CDH13: variants seen among roughly 807,000 people sequenced by gnomAD.
CDH13 encodes cadherin 13.
A neutral mutation model predicts 63.8 loss-of-function variants in CDH13; 24 were observed. The observed-to-expected ratio is 0.38, with a 90% CI of 0.27 to 0.53. CDH13 has a LOEUF of 0.53. CDH13 is among the 20% of genes least tolerant of loss of function. CDH13 has a pLI of 0.85. For missense variants in CDH13, 1,049 were observed against 903.1 expected, an observed-to-expected ratio of 1.16 and a Z score of -2.07; for synonymous variants, 503 against 355.3, an observed-to-expected ratio of 1.42 and a Z score of -4.67.
At chr16:82,687,354 T>C (rs1597324322) in intron 1 of CDH13, among the ~76,000 whole-genome samples, 1 of 152,210 alleles carries the variant, frequency 6.6e-6, no homozygotes, top group Non-Finnish European at 1.5e-5. Context: ...AGGACAACTT[T>C]ACTGGTCTAT....
intron 1 of CDH13, among the ~76,000 whole-genome samples, chr16:82,722,694 C>A (rs978880133): frequency 6.6e-6 from 1 of 152,172 alleles, no homozygotes. Flanking sequence ...GTACCTACTA[C>A]GAGCACCTGC....
intron 7 of CDH13, among the ~76,000 whole-genome samples, chr16:83,531,331 A>C (rs1386466389): frequency 6.6e-6 from 1 of 152,128 alleles, no homozygotes; most frequent in Non-Finnish European, 1.5e-5. Context: ...GTATAATAGA[A>C]ATAGGAAGGT....
intron 7 of CDH13, among the ~76,000 whole-genome samples, chr16:83,580,529 C>A (rs1905490515): frequency 6.7e-6 from 1 of 148,154 alleles, no homozygotes; most frequent in Admixed American, 6.8e-5. Flanking sequence ...GGGTCTCCAT[C>A]TGCCACCCAG....
intron 1 of CDH13, among the ~76,000 whole-genome samples, chr16:82,805,157 GC>G: frequency 6.6e-6 from 1 of 152,122 alleles, no homozygotes; most frequent in East Asian, 1.9e-4. Flanking sequence ...TTCATGCTCA[GC>G]CCCCAGGTCC....
rs79657305 is a variant in CDH13 at position 82,643,852 on chromosome 16, C to G, written c.45+16715C>G. On this transcript the variant is annotated intron_variant, in intron 1 of 13. Transcript: ENST00000567109. ...TGACCACCTGAGCTCAAGCAACCCT[C>G]TTGCCTCAGTTCTGGAAATAGCTAA... Among the ~76,000 whole-genome samples, 166 of 152,028 alleles carry G rather than the reference C, an allele frequency of 1.1e-3. 3 individuals are homozygous for G. In the East Asian group the frequency reaches 0.028, roughly 26 times the overall value.
chr16:83,192,148 C>A (rs2038738658), intron 4 of CDH13, among the ~76,000 whole-genome samples: 1 of 152,218 alleles, frequency 6.6e-6, no homozygotes, highest in African/African-American at 2.4e-5. Context: ...CAAGCAAGAG[C>A]CGTTCCTTTG....
chr16:83,345,240 G>A (rs1372188116), intron 6 of CDH13, among the ~76,000 whole-genome samples: 1 of 152,198 alleles, frequency 6.6e-6, no homozygotes, highest in African/African-American at 2.4e-5. Context: ...CTCCAAGGAT[G>A]ACTGCCATCT....
At chr16:82,720,466 A>T (rs2032696775) in intron 1 of CDH13, among the ~76,000 whole-genome samples, 1 of 152,156 alleles carries the variant, frequency 6.6e-6, no homozygotes, top group Non-Finnish European at 1.5e-5. Flanking sequence ...CAGGGTAGGA[A>T]CTGACCCTGG....
chr16:83,189,208 T>C (rs927349368), intron 4 of CDH13, among the ~76,000 whole-genome samples: 2 of 152,192 alleles, frequency 1.3e-5, no homozygotes, highest in Non-Finnish European at 2.9e-5. Context: ...CCTAGAACTC[T>C]GTAGATTTCC....
At chr16:83,158,469 G>A (rs751116071) in intron 4 of CDH13, among the ~76,000 whole-genome samples, 22 of 152,180 alleles carry the variant, frequency 1.4e-4, no homozygotes, top group Non-Finnish European at 2.8e-4. Context: ...CCAGGCTCAC[G>A]TGTACTTGCC....
At chr16:83,664,554 G>GTATATA (rs72075419) in intron 8 of CDH13, among the ~76,000 whole-genome samples, 13 of 147,962 alleles carry the variant, frequency 8.8e-5, no homozygotes, top group Non-Finnish European at 1.3e-4. Context: ...ATATATGTGT[G>GTATATA]TATATATATA....
intron 11 of CDH13, among the ~76,000 whole-genome samples, chr16:83,748,508 C>T (rs559509300): frequency 6.6e-6 from 1 of 152,270 alleles, no homozygotes; most frequent in Admixed American, 6.5e-5. Context: ...CCATCTTGGG[C>T]AGGCGTGGAG....
chr16:83,008,337 A>G (rs1323415041), intron 2 of CDH13, among the ~76,000 whole-genome samples: 1 of 152,130 alleles, frequency 6.6e-6, no homozygotes, highest in Non-Finnish European at 1.5e-5. Flanking sequence ...TGCCAGAAGG[A>G]AGTTAGGAAG....
chr16:82,679,588 C>T (rs780445577), intron 1 of CDH13, among the ~76,000 whole-genome samples: 47 of 152,142 alleles, frequency 3.1e-4, no homozygotes, highest in Non-Finnish European at 2.6e-4. Flanking sequence ...AACTCACTCA[C>T]GCTCCTGCAT....
chr16:82,967,409 G>C (rs2151358338), intron 2 of CDH13, among the ~76,000 whole-genome samples: 1 of 152,232 alleles, frequency 6.6e-6, no homozygotes, highest in African/African-American at 2.4e-5. Flanking sequence ...GCTCCCTGGG[G>C]ACTGAGCTCA....
At chr16:83,260,455 CGCAGCCA>C (rs1266490554) in intron 5 of CDH13, among the ~76,000 whole-genome samples, 38 of 150,936 alleles carry the variant, frequency 2.5e-4, no homozygotes, top group Admixed American at 2.1e-3. Context: ...TTCTGCGTGG[CGCAGCCA>C]TCCTACCAAG....
rs780721267 is a variant in CDH13, at chr16:83,779,962, C to T, written c.1682-6C>T. On this transcript the variant is annotated splice_polypyrimidine_tract_variant and splice_region_variant and intron_variant, in intron 11 of 13. Coordinates refer to ENST00000567109, the MANE Select transcript of CDH13 (RefSeq NM_001257.5). The stretch of plus-strand genomic sequence containing the variant: ...TGCATACCAACATCTTCCCTTTTTC[C>T]CACAGGCAACCCTCCCGCTACGGGC... 3.1e-6 allele frequency: 5 copies of T among 1,596,148 alleles called. No individual in the cohort carries two copies. Among genetic ancestry groups the T allele is most frequent in the Admixed American group, 3.5e-5 (2 of 57,850 alleles).
chr16:83,703,894 G>T (rs545566765), intron 10 of CDH13, among the ~76,000 whole-genome samples: 1 of 152,084 alleles, frequency 6.6e-6, no homozygotes, highest in Non-Finnish European at 1.5e-5. Flanking sequence ...AACCTTTTCA[G>T]CCACCGTAAC....
chr16:83,119,675 T>C (rs1329797291), intron 3 of CDH13, among the ~76,000 whole-genome samples: 1 of 152,216 alleles, frequency 6.6e-6, no homozygotes, highest in Non-Finnish European at 1.5e-5. Context: ...ACAGGCTTCA[T>C]GCATGAAATG....
Sources: allele counts gnomAD v4.1 joint callset (sites outside exome capture counted in the v4.1 genomes callset), GRCh38; gene constraint gnomAD v4.1.1; transcripts MANE v1.5; gene names NCBI Gene and HGNC (gene_info 2026-07-23, HGNC 2026-07-21).